Variants in ZFAND3 observed in about 807,000 individuals in gnomAD.
The protein encoded by ZFAND3 is AN1-type zinc finger protein 3.
ZFAND3 carries 10 observed loss-of-function variants against 29.6 expected under a neutral mutation model. The ratio of observed to expected loss-of-function variants is 0.34; its 90% CI spans 0.21 to 0.57. The LOEUF (loss-of-function observed/expected upper bound fraction) is 0.57. ZFAND3 is among the 20% of genes least tolerant of loss of function. The pLI is 0.86. For missense variants in ZFAND3, 230 were observed against 304.5 expected (o/e 0.76, Z 1.82); for synonymous variants, 128 against 112.6 (o/e 1.14, Z -0.87).
In ZFAND3 at chr6:38,154,342, C is replaced by T. The variant is rs571690339; in HGVS notation, c.*1953C>T. ...GCCCAGGGGAGCTGGCCTGGGGGAGCGAAGCCCATGTTCGCTTCCTGACTT... is the reference window on the plus strand; with the variant it reads ...GCCCAGGGGAGCTGGCCTGGGGGAGTGAAGCCCATGTTCGCTTCCTGACTT... On this transcript the variant is annotated 3_prime_UTR_variant, in exon 6 of 6. Transcript: ENST00000287218. The T allele has an allele frequency of 3.4e-4, 332 of 981,708 alleles. No individual in the cohort carries two copies. The highest frequency in any genetic ancestry group is 3.8e-4 in the Non-Finnish European group (313 of 829,106). The allele number at this position is 981,708 out of a possible 1,614,324, so 60.8% of individuals were successfully genotyped here.
At chr6:38,061,221 G>A (rs1764232784) in intron 2 of ZFAND3, among the ~76,000 whole-genome samples, 1 of 152,026 alleles carries the variant, frequency 6.6e-6, no homozygotes, top group Non-Finnish European at 1.5e-5. Flanking sequence ...TGTTTACTCT[G>A]CTGTTTTCTC....
Position 38,026,060 on chromosome 6 carries a change from A to G in ZFAND3, c.113-35533A>G, listed in dbSNP as rs144245105. 1.8e-3 allele frequency among the ~76,000 whole-genome samples: 276 copies of G among 152,326 alleles called. 2 individuals are homozygous for G. The highest frequency in any genetic ancestry group is 6.0e-3 in the African/African-American group (249 of 41,576). ...TTTATAATATGTAAATTGTATCTCA[A>G]TAAAGCTGTTACAAAAATAACCTAT... is the stretch of plus-strand genomic sequence containing the variant. On this transcript the variant is annotated intron_variant, in intron 2 of 5. Transcript: ENST00000287218.
Position 38,149,990 on chromosome 6 carries a change from C to G in ZFAND3, c.530-2245C>G, listed in dbSNP as rs187734857. On this transcript the variant is annotated intron_variant, in intron 5 of 5. Coordinates refer to ENST00000287218, the MANE Select transcript of ZFAND3 (RefSeq NM_021943.3). ...TGACAAAAATGTCTATAGACACATCCTGATGCCATCCTGCTGGTGCCCCTA... is the reference window on the plus strand; with the variant it reads ...TGACAAAAATGTCTATAGACACATCGTGATGCCATCCTGCTGGTGCCCCTA... Among the ~76,000 whole-genome samples the G allele has an allele frequency of 5.0e-3, 764 of 152,250 alleles. 5 individuals carry two copies. The highest frequency in any genetic ancestry group is 7.7e-3 in the Non-Finnish European group (527 of 68,008).
rs1423208668 is a variant in ZFAND3, at chr6:38,153,092, T to G, written c.*703T>G. 8.1e-6 allele frequency: 8 copies of G among 985,358 alleles called. No individual in the cohort carries two copies. Among genetic ancestry groups the G allele is most frequent in the Non-Finnish European group, 9.6e-6 (8 of 829,936 alleles). The allele number at this position is 985,358 out of a possible 1,614,324, so 61.0% of individuals were successfully genotyped here. A position where few individuals can be genotyped will look rare whatever the true frequency, so the allele number is the denominator to read the frequency against. Reference sequence around the variant, plus strand: ...ACTAGTCCACGAACGAGACCCGCCTTTTCTACACAGGATCCAAGGTCACGA... The same window carrying G: ...ACTAGTCCACGAACGAGACCCGCCTGTTCTACACAGGATCCAAGGTCACGA... On this transcript the variant is annotated 3_prime_UTR_variant, in exon 6 of 6. Transcript: ENST00000287218.
chr6:37,913,823 G>A (rs1761177888), intron 1 of ZFAND3, among the ~76,000 whole-genome samples: 1 of 149,482 alleles, frequency 6.7e-6, no homozygotes, highest in Non-Finnish European at 1.5e-5. Flanking sequence ...CGATTCTCCT[G>A]CCTCAGCCTC....
At chr6:37,869,772 A>G (rs1764659233) in intron 1 of ZFAND3, among the ~76,000 whole-genome samples, 1 of 151,544 alleles carries the variant, frequency 6.6e-6, no homozygotes, top group Admixed American at 6.6e-5. Context: ...CTTGCCTCAC[A>G]AAGTGCTGGT....
chr6:37,873,132 G>A (rs1046900860), intron 1 of ZFAND3, among the ~76,000 whole-genome samples: 11 of 152,290 alleles, frequency 7.2e-5, no homozygotes, highest in East Asian at 1.9e-4. Flanking sequence ...TTAGCCAGGC[G>A]CGGTGGCGGG....
rs144814669 is a variant in ZFAND3, at chr6:38,142,349, ACT to A, written c.530-9883_530-9882del. 2.6e-3 allele frequency: 1,241 copies of A among 471,130 alleles called. 14 individuals carry two copies. Among genetic ancestry groups the A allele is most frequent in the African/African-American group, 0.021 (1,056 of 50,098 alleles). 29.2% of individuals were successfully genotyped at this position (471,130 alleles called of 1,614,324 possible). A position where few individuals can be genotyped will look rare whatever the true frequency, so the allele number is the denominator to read the frequency against. On this transcript the variant is annotated intron_variant, in intron 5 of 5. Transcript: ENST00000287218. Reference sequence around the variant, plus strand: ...GACATTCTGTGACTTGGATGAACTGACTCTTGCCTGCAAAGGTGCCTTCAGGG... The same window carrying A: ...GACATTCTGTGACTTGGATGAACTGACTTGCCTGCAAAGGTGCCTTCAGGG...
intron 1 of ZFAND3, among the ~76,000 whole-genome samples, chr6:37,927,894 C>T (rs1761517839): frequency 6.6e-6 from 1 of 152,226 alleles, no homozygotes; most frequent in Non-Finnish European, 1.5e-5. Flanking sequence ...AATTCACTTA[C>T]TAGTTCTGTA....
intron 4 of ZFAND3, among the ~76,000 whole-genome samples, chr6:38,104,307 G>A (rs1765165832): frequency 6.6e-6 from 1 of 150,594 alleles, no homozygotes; most frequent in Admixed American, 6.6e-5. Flanking sequence ...ACACTCTCGG[G>A]GTGGTTGAGA....
At chr6:38,145,496 A>T (rs1280039987) in intron 5 of ZFAND3, among the ~76,000 whole-genome samples, 1 of 151,774 alleles carries the variant, frequency 6.6e-6, no homozygotes, top group Non-Finnish European at 1.5e-5. Flanking sequence ...CAAAACATCC[A>T]CTCCTCCTCC....
chr6:37,926,356 G>A (rs1281907232), intron 1 of ZFAND3, among the ~76,000 whole-genome samples: 1 of 152,218 alleles, frequency 6.6e-6, no homozygotes, highest in African/African-American at 2.4e-5. Context: ...AGGTGGCTCT[G>A]AGGGAGAATC....
intron 1 of ZFAND3, among the ~76,000 whole-genome samples, chr6:37,848,566 C>A (rs901666901): frequency 2.0e-5 from 3 of 152,202 alleles, no homozygotes; most frequent in Admixed American, 1.3e-4. Context: ...CTTTGCTAAC[C>A]TCTTTCTGGC....
intron 2 of ZFAND3, among the ~76,000 whole-genome samples, chr6:37,962,473 T>C (rs188278679): frequency 2.6e-5 from 4 of 152,330 alleles, no homozygotes; most frequent in Admixed American, 1.3e-4. Flanking sequence ...AAACTATCAA[T>C]ATCCAAGTAC....
intron 2 of ZFAND3, among the ~76,000 whole-genome samples, chr6:37,948,828 T>C (rs1761946234): frequency 6.6e-6 from 1 of 152,218 alleles, no homozygotes; most frequent in Non-Finnish European, 1.5e-5. Flanking sequence ...GTGTTGTCTG[T>C]ACCACATTTT....
chr6:37,941,149 G>T (rs924673527), intron 2 of ZFAND3, among the ~76,000 whole-genome samples: 5 of 152,156 alleles, frequency 3.3e-5, no homozygotes, highest in African/African-American at 4.8e-5. Flanking sequence ...ATGTTCCCAA[G>T]ATTAAATAAA....
At chr6:37,938,327 A>G (rs1312110176) in intron 2 of ZFAND3, among the ~76,000 whole-genome samples, 2 of 152,190 alleles carry the variant, frequency 1.3e-5, no homozygotes, top group Non-Finnish European at 2.9e-5. Flanking sequence ...TGAAAATACT[A>G]ATAGTACCTC....
At chr6:37,875,832 A>ATT (rs111876400) in intron 1 of ZFAND3, among the ~76,000 whole-genome samples, 14 of 126,396 alleles carry the variant, frequency 1.1e-4, no homozygotes, top group African/African-American at 2.5e-4. Flanking sequence ...TTAATTTTTG[A>ATT]TTTTTTTTTT....
At chr6:38,093,473 G>A (rs1206477862) in intron 4 of ZFAND3, among the ~76,000 whole-genome samples, 1 of 152,126 alleles carries the variant, frequency 6.6e-6, no homozygotes. Context: ...TGCTAATTTA[G>A]AAACAATGAT....
Sources: allele counts gnomAD v4.1 joint callset (sites outside exome capture counted in the v4.1 genomes callset), GRCh38; gene constraint gnomAD v4.1.1; transcripts MANE v1.5; gene names NCBI Gene and HGNC (gene_info 2026-07-23, HGNC 2026-07-21).